The following CTNNA3 variants were observed in gnomAD, a reference collection of about 807,000 sequenced individuals.
The protein encoded by CTNNA3 is catenin alpha-3.
A neutral mutation model predicts 95.7 loss-of-function variants in CTNNA3; 76 were observed. That is an observed-to-expected ratio of 0.79 (90% CI 0.66 to 0.96). CTNNA3 has a LOEUF of 0.96. Ranked by LOEUF, CTNNA3 falls within the 40% of genes least tolerant of loss-of-function variation. CTNNA3 has a pLI of 0.00. For synonymous variants in CTNNA3, 431 were observed against 374.4 expected, an observed-to-expected ratio of 1.15 and a Z score of -1.74; for missense variants, 1,191 against 1,089.8, an observed-to-expected ratio of 1.09 and a Z score of -1.31.
At position 66,806,756 on chromosome 10, in the gene CTNNA3, A is replaced by ATGTGTGTGTG. The variant is rs57749652; in HGVS notation, c.1048-31242_1048-31233dup. On this transcript the variant is annotated intron_variant, in intron 7 of 17. Transcript: ENST00000433211. ...TATATTTATAGAGAATGTGGCATATATGTGTGTGTGTGTGTGTGTGTGTGT... is the reference window on the plus strand; with the variant it reads ...TATATTTATAGAGAATGTGGCATATATGTGTGTGTGTGTGTGTGTGTGTGTGTGTGTGTGT... Among the ~76,000 whole-genome samples, 153 of 145,834 alleles carry ATGTGTGTGTG rather than the reference A, an allele frequency of 1.0e-3. 1 individual carries two copies. The highest frequency in any genetic ancestry group is 2.4e-3 in the African/African-American group (94 of 39,256).
intron 9 of CTNNA3, among the ~76,000 whole-genome samples, chr10:66,659,295 C>G (rs374118211): frequency 6.6e-6 from 1 of 151,592 alleles, no homozygotes; most frequent in African/African-American, 2.4e-5. Flanking sequence ...TAGAAACTGA[C>G]TAGGTATTTA....
At chr10:66,965,556 A>G (rs936655943) in intron 7 of CTNNA3, among the ~76,000 whole-genome samples, 29 of 77,542 alleles carry the variant, frequency 3.7e-4, no homozygotes, top group African/African-American at 1.1e-3. Context: ...AAAGAAAAAA[A>G]AAAAAGCTGT....
At position 65,920,143 on chromosome 10, in the gene CTNNA3, A is replaced by T; in HGVS notation, c.*187T>A. ...ATTCCTTAACTATTAGGTGCTGACCATACAGAAATGACAGTGATATGATCC... is the reference window on the plus strand; with the variant it reads ...ATTCCTTAACTATTAGGTGCTGACCTTACAGAAATGACAGTGATATGATCC... On this transcript the variant is annotated 3_prime_UTR_variant, in exon 18 of 18. Transcript: ENST00000433211. 1.7e-6 allele frequency: 1 copy of T among 597,370 alleles called. No individual in the cohort carries two copies. Among genetic ancestry groups the T allele is most frequent in the Non-Finnish European group, 3.0e-6 (1 of 337,154 alleles). 37.0% of individuals were successfully genotyped at this position (597,370 alleles called of 1,614,324 possible). A position where few individuals can be genotyped will look rare whatever the true frequency, so the allele number is the denominator to read the frequency against.
intron 7 of CTNNA3, among the ~76,000 whole-genome samples, chr10:67,025,678 A>C (rs1853326014): frequency 6.6e-6 from 1 of 152,196 alleles, no homozygotes; most frequent in Non-Finnish European, 1.5e-5. Context: ...TAAGTACTAT[A>C]TCATTACACA....
intron 7 of CTNNA3, among the ~76,000 whole-genome samples, chr10:66,875,275 C>T (rs10762117): frequency 0.75 from 113,993 of 151,754 alleles, 44,114 homozygotes; most frequent in South Asian, 0.85. Context: ...ATAGTGGTTA[C>T]ATAACTGTCC....
At chr10:66,606,341 C>T (rs756504358) in intron 10 of CTNNA3, among the ~76,000 whole-genome samples, 1 of 152,100 alleles carries the variant, frequency 6.6e-6, no homozygotes, top group African/African-American at 2.4e-5. Context: ...CAATACCTCA[C>T]TGACAGTATT....
At chr10:66,939,436 T>C (rs1180810397) in intron 7 of CTNNA3, among the ~76,000 whole-genome samples, 1 of 152,130 alleles carries the variant, frequency 6.6e-6, no homozygotes, top group Non-Finnish European at 1.5e-5. Flanking sequence ...TTATCTCTCA[T>C]GAAAGCAATA....
At chr10:67,176,128 G>C (rs747410602) in intron 7 of CTNNA3, among the ~76,000 whole-genome samples, 3 of 152,038 alleles carry the variant, frequency 2.0e-5, no homozygotes, top group Non-Finnish European at 4.4e-5. Context: ...TAAAAATCCT[G>C]TTCTAGAATA....
At chr10:67,361,067 C>G (rs557301964) in intron 5 of CTNNA3, among the ~76,000 whole-genome samples, 1 of 151,246 alleles carries the variant, frequency 6.6e-6, no homozygotes, top group Non-Finnish European at 1.5e-5. Context: ...TTCAATTCAA[C>G]AAGAAGACTT....
intron 13 of CTNNA3, among the ~76,000 whole-genome samples, chr10:66,120,999 C>G (rs956159562): frequency 6.6e-6 from 1 of 152,170 alleles, no homozygotes; most frequent in South Asian, 2.1e-4. Flanking sequence ...TCATACATTT[C>G]AAGCTTCTCT....
chr10:66,311,965 T>C (rs914080700), intron 12 of CTNNA3, among the ~76,000 whole-genome samples: 3 of 152,180 alleles, frequency 2.0e-5, no homozygotes, highest in African/African-American at 4.8e-5. Context: ...AGGTAAAGTA[T>C]AGCTACATAT....
In CTNNA3 at chr10:66,766,356, A is replaced by G. The variant is rs755085470; in HGVS notation, c.1189T>C (p.Leu397=). 6.2e-7 allele frequency: 1 copy of G among 1,613,788 alleles called. No homozygotes were observed. Among genetic ancestry groups the G allele is most frequent in the South Asian group, 1.1e-5 (1 of 91,070 alleles). ...TTCTTAGCAGCTTCAATGAGAACCA[A>G]AAGAGGGACTGTCGTATCCAGGAAA... ...DSFLDTTVPL[L]VLIEAAKNGR... The change falls in exon 9 of 18, where the codon TTG becomes CTG. Residue 397 remains leucine (L), a synonymous_variant. Coordinates refer to ENST00000433211, the MANE Select transcript of CTNNA3 (RefSeq NM_013266.4).
chr10:67,277,586 C>A (rs1376051963), intron 5 of CTNNA3, among the ~76,000 whole-genome samples: 1 of 152,060 alleles, frequency 6.6e-6, no homozygotes, highest in Non-Finnish European at 1.5e-5. Context: ...GGAGATTAGG[C>A]ATTCCTAGTC....
intron 9 of CTNNA3, among the ~76,000 whole-genome samples, chr10:66,693,259 G>A (rs1162227959): frequency 1.3e-5 from 2 of 151,726 alleles, no homozygotes; most frequent in Non-Finnish European, 2.9e-5. Context: ...TAAAAGGATG[G>A]AGGAAGATCT....
chr10:67,030,364 C>T (rs2133106848), intron 7 of CTNNA3, among the ~76,000 whole-genome samples: 1 of 152,218 alleles, frequency 6.6e-6, no homozygotes, highest in East Asian at 1.9e-4. Context: ...TAAAAACCCT[C>T]TTAATTATAA....
At chr10:66,192,787 A>C (rs141589449) in intron 13 of CTNNA3, among the ~76,000 whole-genome samples, 7 of 152,250 alleles carry the variant, frequency 4.6e-5, no homozygotes, top group African/African-American at 1.7e-4. Context: ...GGTATAAATA[A>C]ATTTCTTTGC....
intron 10 of CTNNA3, among the ~76,000 whole-genome samples, chr10:66,588,723 T>C (rs1163830289): frequency 6.6e-6 from 1 of 152,128 alleles, no homozygotes; most frequent in Non-Finnish European, 1.5e-5. Flanking sequence ...ACCAGCATAT[T>C]TGGATGGGAA....
At chr10:67,660,897 C>T (rs971480410) in intron 1 of CTNNA3, among the ~76,000 whole-genome samples, 7 of 149,232 alleles carry the variant, frequency 4.7e-5, no homozygotes, top group Non-Finnish European at 1.0e-4. Flanking sequence ...CGCCACTGCA[C>T]TCCAGCCTGG....
At chr10:66,389,198 T>A (rs1246444608) in intron 11 of CTNNA3, among the ~76,000 whole-genome samples, 1 of 150,810 alleles carries the variant, frequency 6.6e-6, no homozygotes, top group Non-Finnish European at 1.5e-5. Flanking sequence ...AGTCATTTGG[T>A]TCTCTCCTCA....
Sources: allele counts gnomAD v4.1 joint callset (sites outside exome capture counted in the v4.1 genomes callset), GRCh38; gene constraint gnomAD v4.1.1; transcripts MANE v1.5; gene names NCBI Gene and HGNC (gene_info 2026-07-23, HGNC 2026-07-21).